MAPK8IP3: variants seen among roughly 807,000 people sequenced by gnomAD.
MAPK8IP3 encodes the protein C-Jun-amino-terminal kinase-interacting protein 3.
MAPK8IP3 carries 49 observed loss-of-function variants against 157.8 expected under a neutral mutation model. That is an observed-to-expected ratio of 0.31 (90% CI 0.25 to 0.39). The LOEUF (loss-of-function observed/expected upper bound fraction) is 0.39, where lower values mean the gene tolerates loss of function less well. Among genes scored for constraint, MAPK8IP3 ranks in the 10% least tolerant of loss-of-function variants. The pLI is 1.00. For synonymous variants in MAPK8IP3, 897 were observed against 777.7 expected (o/e 1.15, Z -2.55); for missense variants, 1,478 against 1,889.4 (o/e 0.78, Z 4.04).
chr16:1,724,813 A>C lies in MAPK8IP3; in HGVS notation c.439+136A>C, dbSNP rs1160517516. 1.7e-6 allele frequency: 2 copies of C among 1,185,550 alleles called. No individual in the cohort carries two copies. The highest frequency in any genetic ancestry group is 3.1e-5 in the African/African-American group (2 of 65,202). 73.4% of individuals were successfully genotyped at this position (1,185,550 alleles called of 1,614,324 possible). ...AGTGGGAGCCTCAGCCATGTATTCC[A>C]GCTCTTTGTACTGCTGCCTGTTTCT... On this transcript the variant is annotated intron_variant, in intron 2 of 31. Coordinates refer to ENST00000610761, the MANE Select transcript of MAPK8IP3 (RefSeq NM_001318852.2). The surrounding 1 kb of genome is among the most constrained non-coding windows in gnomAD (Gnocchi z 4.1).
rs569220650 is a variant in MAPK8IP3, at chr16:1,708,641, C to T, written c.318+1984C>T. Among the ~76,000 whole-genome samples the T allele has an allele frequency of 7.9e-5, 12 of 152,254 alleles. No homozygotes were observed. The South Asian group carries it at 8.3e-4, about 11-fold the overall frequency. ...CAGGGCTCCTGCTGAACCAAGCTGG[C>T]GGGTGTGCGTGTGGTTTGCAAAGCT... On this transcript the variant is annotated intron_variant, in intron 1 of 31. Transcript: ENST00000610761.
chr16:1,754,423 A>G (rs185567057), intron 8 of MAPK8IP3, among the ~76,000 whole-genome samples: 2 of 152,308 alleles, frequency 1.3e-5, no homozygotes, highest in South Asian at 2.1e-4. Flanking sequence ...TCTGCTCTGC[A>G]TGGACGAGGC....
In MAPK8IP3 at chr16:1,766,515, C is replaced by T. The variant is rs772972696; in HGVS notation, c.2820-14C>T. ...GCTCCGTGGCCCCCCCTGGAGCCAC[C>T]GTTCTTCCTGCAGCGAGAACGGGCC... On this transcript the variant is annotated splice_polypyrimidine_tract_variant and intron_variant, in intron 22 of 31. Transcript: ENST00000610761. The T allele has an allele frequency of 3.5e-5, 56 of 1,610,092 alleles. No homozygotes were observed. Among genetic ancestry groups the T allele is most frequent in the South Asian group, 2.0e-4 (18 of 91,022 alleles).
chr16:1,751,611 T>A lies in MAPK8IP3; in HGVS notation c.1216+2891T>A, dbSNP rs1243765262. On this transcript the variant is annotated intron_variant, in intron 8 of 31. Coordinates refer to ENST00000610761, the MANE Select transcript of MAPK8IP3 (RefSeq NM_001318852.2). This position sits in a 1 kb window ranked among gnomAD's most constrained non-coding sequence, Gnocchi z 5.0. Reference sequence around the variant, plus strand: ...TGTGATTTCCACACTGTGTAATTCATTCACTTACGGTGTACAGTCCAGTGG... The same window carrying A: ...TGTGATTTCCACACTGTGTAATTCAATCACTTACGGTGTACAGTCCAGTGG... 6.6e-6 allele frequency: 1 copy of A among 152,206 alleles called. No individual in the cohort carries two copies. The highest frequency in any genetic ancestry group is 1.5e-5 in the Non-Finnish European group (1 of 68,052). The allele number at this position is 152,206 out of a possible 1,614,324, so 9.4% of individuals were successfully genotyped here.
chr16:1,746,365 T>G (rs116477627), intron 5 of MAPK8IP3: 25 of 152,374 alleles, frequency 1.6e-4, no homozygotes, highest in African/African-American at 5.8e-4. Context: ...GGTTGCGGTT[T>G]CTCGTAATCC....
At chr16:1,730,044 CAAAAAAAAAAAAAA>C (rs58933347) in intron 4 of MAPK8IP3, among the ~76,000 whole-genome samples, 925 of 46,984 alleles carry the variant, frequency 0.02, 7 homozygotes, top group Middle Eastern at 0.056. Context: ...CTTGTCTCTA[CAAAAAAAAAAAAAA>C]AAAAAAAAAA....
intron 10 of MAPK8IP3, among the ~76,000 whole-genome samples, chr16:1,759,739 C>T (rs961882778): frequency 6.6e-6 from 1 of 152,236 alleles, no homozygotes. Context: ...TGACATTGGT[C>T]GGACATGAGA....
chr16:1,750,728 T>A (rs1485120438), intron 8 of MAPK8IP3, among the ~76,000 whole-genome samples: 2 of 151,572 alleles, frequency 1.3e-5, no homozygotes, highest in Non-Finnish European at 2.9e-5. Context: ...CACTGCAACC[T>A]CTGCCTTCCC....
intron 17 of MAPK8IP3, 41 bp downstream of exon 17, chr16:1,763,824 AGGCGG>A: frequency 2.9e-6 from 1 of 341,238 alleles, no homozygotes; most frequent in Non-Finnish European, 3.9e-6. Flanking sequence ...GGCCCCGCAG[AGGCGG>A]GGCGGGGGTA....
Position 1,743,842 on chromosome 16 carries a change from C to T in MAPK8IP3, c.747+366C>T. On this transcript the variant is annotated intron_variant, in intron 5 of 31. Transcript: ENST00000610761. The surrounding 1 kb of genome is among the most constrained non-coding windows in gnomAD (Gnocchi z 5.6). ...TAAAGCCTCATGCTCACCCGGGCTC[C>T]AGCCAGACACATCCTGCCCCTGAGA... 1 of 1,119,228 alleles carries T rather than the reference C, an allele frequency of 8.9e-7. No individual in the cohort carries two copies. Among genetic ancestry groups the T allele is most frequent in the Non-Finnish European group, 1.1e-6 (1 of 912,924 alleles). 69.3% of individuals were successfully genotyped at this position (1,119,228 alleles called of 1,614,324 possible).
chr16:1,720,772 C>T (rs987012949), intron 1 of MAPK8IP3, among the ~76,000 whole-genome samples: 2 of 152,116 alleles, frequency 1.3e-5, no homozygotes, highest in South Asian at 2.1e-4. Context: ...CAGCGGCTCA[C>T]GCCTGTAATC....
chr16:1,739,971 C>CATCT (rs2040542717), intron 4 of MAPK8IP3, among the ~76,000 whole-genome samples: 17 of 83,044 alleles, frequency 2.0e-4, no homozygotes, highest in Admixed American at 4.7e-4. Context: ...TCCGTGTGAG[C>CATCT]GTGTGACCGT....
chr16:1,758,265 CCCA>C, intron 9 of MAPK8IP3, 106 bp downstream of exon 9: 1 of 1,334,304 alleles, frequency 7.5e-7, no homozygotes, highest in Non-Finnish European at 1.1e-6. Context: ...TGGACTGCCC[CCCA>C]CGTCGCCGCA....
intron 1 of MAPK8IP3, among the ~76,000 whole-genome samples, chr16:1,719,785 G>A (rs1315893356): frequency 2.6e-5 from 4 of 151,942 alleles, no homozygotes; most frequent in Non-Finnish European, 5.9e-5. Flanking sequence ...GGTCAAGGCT[G>A]CAGTGGGTGA....
chr16:1,729,054 C>G, intron 2 of MAPK8IP3, 84 bp from the exon 3 acceptor site: 1 of 1,335,510 alleles, frequency 7.5e-7, no homozygotes, highest in African/African-American at 1.4e-5. Context: ...GTCCTGGAAC[C>G]CCCTCCCTCT....
In MAPK8IP3 at chr16:1,766,364, T is replaced by A; in HGVS notation, c.2774T>A (p.Phe925Tyr). 6.2e-7 allele frequency: 1 copy of A among 1,612,572 alleles called. No homozygotes were observed. Residue 925 changes from phenylalanine (F) to tyrosine (Y), a missense_variant, in exon 22 of 32, where the codon TTC (phenylalanine) becomes TAC (tyrosine). Phe to Tyr is a conservative substitution (Grantham distance 22). Coordinates refer to ENST00000610761, the MANE Select transcript of MAPK8IP3 (RefSeq NM_001318852.2). ...LRPGPLTEHVFTDPAPTPSSG... is the reference protein window; with the variant it reads ...LRPGPLTEHVYTDPAPTPSSG... ...CCCGGGCCTCTCACAGAGCACGTCT[T>A]CACTGACCCAGCCCCGACCCCGTCC...
intron 4 of MAPK8IP3, among the ~76,000 whole-genome samples, chr16:1,731,003 G>A (rs1240216196): frequency 6.6e-6 from 1 of 152,086 alleles, no homozygotes; most frequent in African/African-American, 2.4e-5. Context: ...AGCTGGGTGT[G>A]GTGGCACATG....
chr16:1,763,091 G>T, intron 16 of MAPK8IP3, 85 bp downstream of exon 16: 1 of 1,558,650 alleles, frequency 6.4e-7, no homozygotes, highest in Non-Finnish European at 8.8e-7. Context: ...AGGCCCTGAA[G>T]CGGGACTTTG....
chr16:1,762,520 A>T (rs2042010913), intron 14 of MAPK8IP3, 39 bp downstream of exon 14: 5 of 1,608,556 alleles, frequency 3.1e-6, no homozygotes, highest in Non-Finnish European at 4.2e-6. Flanking sequence ...CTGCGGGATC[A>T]TCCCTGACGG....
Sources: allele counts gnomAD v4.1 joint callset (sites outside exome capture counted in the v4.1 genomes callset), GRCh38; gene constraint gnomAD v4.1.1; non-coding constraint Gnocchi (gnomAD v3.1); transcripts MANE v1.5; gene names NCBI Gene and HGNC (gene_info 2026-07-23, HGNC 2026-07-21).